The following CTNNA2 variants were observed in gnomAD, a reference collection of about 807,000 sequenced individuals.
CTNNA2 encodes catenin alpha 2.
In CTNNA2, 42 loss-of-function variants were observed where a neutral mutation model predicts 101.0. The observed-to-expected ratio is 0.42, with a 90% CI of 0.32 to 0.54. CTNNA2 has a LOEUF of 0.54. Among genes scored for constraint, CTNNA2 ranks in the 20% least tolerant of loss-of-function variants. The pLI is 0.14. For synonymous variants in CTNNA2, 450 were observed against 456.4 expected (o/e 0.99, Z 0.18); for missense variants, 871 against 1,223.1 (o/e 0.71, Z 4.29).
intron 7 of CTNNA2, among the ~76,000 whole-genome samples, chr2:80,002,195 A>G (rs993106406): frequency 6.6e-6 from 1 of 152,212 alleles, no homozygotes; most frequent in Non-Finnish European, 1.5e-5. Flanking sequence ...TTCTTAGTTA[A>G]GGACACACTA....
chr2:79,358,084 T>G (rs186941803), intron 3 of CTNNA2, among the ~76,000 whole-genome samples: 6 of 152,254 alleles, frequency 3.9e-5, no homozygotes, highest in Admixed American at 2.0e-4. Flanking sequence ...TTGGTGAAGA[T>G]AAAGTATTTT....
intron 4 of CTNNA2, among the ~76,000 whole-genome samples, chr2:79,403,557 A>G (rs1678311300): frequency 6.6e-6 from 1 of 152,012 alleles, no homozygotes; most frequent in South Asian, 2.1e-4. Flanking sequence ...AATCTAGAAT[A>G]TATCACAAAC....
At chr2:80,168,360 A>G (rs1704829722) in intron 7 of CTNNA2, among the ~76,000 whole-genome samples, 2 of 152,178 alleles carry the variant, frequency 1.3e-5, no homozygotes, top group Admixed American at 1.3e-4. Flanking sequence ...TGAAAGAAAG[A>G]AAATATCTAT....
intron 7 of CTNNA2, among the ~76,000 whole-genome samples, chr2:80,011,628 T>G (rs751119764): frequency 1.1e-4 from 17 of 152,222 alleles, no homozygotes; most frequent in Non-Finnish European, 2.2e-4. Flanking sequence ...TCCTCTGTTC[T>G]GATGTTTTGT....
intron 11 of CTNNA2, among the ~76,000 whole-genome samples, chr2:80,547,026 T>C (rs572358376): frequency 6.6e-6 from 1 of 152,348 alleles, no homozygotes; most frequent in African/African-American, 2.4e-5. Context: ...ATTGCATCAC[T>C]GTTGGTGGGA....
intron 8 of CTNNA2, among the ~76,000 whole-genome samples, chr2:80,405,503 C>G (rs921933963): frequency 6.6e-6 from 1 of 152,078 alleles, no homozygotes; most frequent in Non-Finnish European, 1.5e-5. Context: ...CTGAGTTTCT[C>G]TATAATAATT....
At chr2:79,432,148 C>A (rs977831692) in intron 4 of CTNNA2, among the ~76,000 whole-genome samples, 20 of 152,254 alleles carry the variant, frequency 1.3e-4, no homozygotes, top group Admixed American at 2.6e-4. Context: ...GGTTTGCCCC[C>A]CTCTGGTAAT....
chr2:79,580,217 CT>C (rs1676065166), intron 1 of CTNNA2, among the ~76,000 whole-genome samples: 1 of 152,082 alleles, frequency 6.6e-6, no homozygotes, highest in African/African-American at 2.4e-5. Flanking sequence ...TGGGCCCAAT[CT>C]AATCATGAAT....
chr2:79,216,299 G>C (rs529818148), intron 2 of CTNNA2, among the ~76,000 whole-genome samples: 5 of 148,156 alleles, frequency 3.4e-5, no homozygotes, highest in Admixed American at 6.8e-5. Flanking sequence ...AGGGTGGAAG[G>C]TTGCCCATAA....
chr2:80,475,996 G>T (rs1685699984), intron 9 of CTNNA2, among the ~76,000 whole-genome samples: 1 of 152,078 alleles, frequency 6.6e-6, no homozygotes, highest in South Asian at 2.1e-4. Context: ...ATTTGCCCTT[G>T]TGTGCCCTTC....
chr2:80,252,942 A>G (rs1671876258), intron 7 of CTNNA2, among the ~76,000 whole-genome samples: 1 of 152,102 alleles, frequency 6.6e-6, no homozygotes, highest in Non-Finnish European at 1.5e-5. Context: ...GGATGGTGAT[A>G]TTGGTAACTG....
intron 3 of CTNNA2, among the ~76,000 whole-genome samples, chr2:79,779,315 A>G (rs1674246613): frequency 6.6e-6 from 1 of 152,100 alleles, no homozygotes; most frequent in African/African-American, 2.4e-5. Flanking sequence ...AGGTTTTGCA[A>G]GGGCTCATCC....
intron 9 of CTNNA2, among the ~76,000 whole-genome samples, chr2:80,478,759 A>G (rs1464029910): frequency 6.6e-6 from 1 of 151,988 alleles, no homozygotes; most frequent in African/African-American, 2.4e-5. Context: ...ACTAGTATCA[A>G]GCTGTTTTGG....
chr2:80,074,375 T>A (rs1200114711), intron 7 of CTNNA2, among the ~76,000 whole-genome samples: 1 of 152,154 alleles, frequency 6.6e-6, no homozygotes, highest in Non-Finnish European at 1.5e-5. Context: ...AGGCAGTAGT[T>A]GTATTAGGAA....
Position 80,491,370 on chromosome 2 carries a change from C to T in CTNNA2, c.1291-53612C>T, listed in dbSNP as rs570238052. Among the ~76,000 whole-genome samples, 4 of 152,256 alleles carry T rather than the reference C, an allele frequency of 2.6e-5. No homozygotes were observed. In the South Asian group the frequency reaches 6.2e-4, roughly 24 times the overall value. On this transcript the variant is annotated intron_variant, in intron 9 of 18. Transcript: ENST00000402739. ...CAAGGTGGGAGAACGGCATGATCAC[C>T]GTCTTTGAAGACAGATAGACAACGG...
intron 7 of CTNNA2, among the ~76,000 whole-genome samples, chr2:80,324,430 A>G (rs1023466816): frequency 6.6e-6 from 1 of 152,044 alleles, no homozygotes. Context: ...ATGACCTCTG[A>G]TCGTCTCGGG....
intron 3 of CTNNA2, among the ~76,000 whole-genome samples, chr2:79,845,491 C>G (rs1381697737): frequency 6.6e-6 from 1 of 152,192 alleles, no homozygotes; most frequent in Non-Finnish European, 1.5e-5. Flanking sequence ...CAAGATGTCA[C>G]TGCTATCCAA....
chr2:80,468,055 T>C (rs925593401), intron 9 of CTNNA2, among the ~76,000 whole-genome samples: 1 of 152,210 alleles, frequency 6.6e-6, no homozygotes, highest in African/African-American at 2.4e-5. Flanking sequence ...TCCTGATCAT[T>C]ATTCTGTTGC....
chr2:79,648,738 C>T (rs1466879800), intron 1 of CTNNA2, among the ~76,000 whole-genome samples: 1 of 152,066 alleles, frequency 6.6e-6, no homozygotes, highest in African/African-American at 2.4e-5. Context: ...GTCCCCACCA[C>T]CACTCCTTTT....
Sources: gnomAD v4.1 joint callset for allele counts (sites outside exome capture counted in the v4.1 genomes callset) on GRCh38, gnomAD v4.1.1 for gene constraint, MANE v1.5 for transcripts, NCBI Gene and HGNC (gene_info 2026-07-23, HGNC 2026-07-21) for gene names.